Variants in LIMCH1 observed in about 807,000 individuals in gnomAD.
LIMCH1 encodes the protein LIM and calponin homology domains-containing protein 1.
LIMCH1 carries 113 observed loss-of-function variants against 176.5 expected under a neutral mutation model. The ratio of observed to expected loss-of-function variants is 0.64; its 90% confidence interval spans 0.55 to 0.75. The LOEUF is 0.75. Among genes scored for constraint, LIMCH1 ranks in the 30% least tolerant of loss-of-function variants. The probability of loss-of-function intolerance (pLI) is 0.00; values close to 1 mark genes in which losing one functional copy is unlikely to be tolerated. For missense variants in LIMCH1, 1,674 were observed against 1,814.9 expected (o/e 0.92, Z 1.41); for synonymous variants, 619 against 645.9 (o/e 0.96, Z 0.63).
intron 1 of LIMCH1, among the ~76,000 whole-genome samples, chr4:41,569,136 T>A (rs1305587184): frequency 6.6e-6 from 1 of 152,172 alleles, no homozygotes; most frequent in East Asian, 1.9e-4. Context: ...GTTTTGTTTC[T>A]CATGATAAAT....
chr4:41,572,661 G>A (rs1417148675), intron 1 of LIMCH1, among the ~76,000 whole-genome samples: 1 of 152,210 alleles, frequency 6.6e-6, no homozygotes, highest in African/African-American at 2.4e-5. Context: ...AATAATGCAA[G>A]GTCAGGCTGA....
chr4:41,667,022 G>T (rs1389250456), intron 21 of LIMCH1, among the ~76,000 whole-genome samples: 1 of 151,964 alleles, frequency 6.6e-6, no homozygotes, highest in Non-Finnish European at 1.5e-5. Context: ...CAGGAGAATC[G>T]CTTGAACCCA....
chr4:41,697,218 T>G lies in LIMCH1; in HGVS notation c.*33T>G, dbSNP rs752189505. Reference sequence around the variant, plus strand: ...TTCAAGCTTCCGGATCACTCACCATTTCTTTACTGAGAGTGTCCCCTGGCA... The same window carrying G: ...TTCAAGCTTCCGGATCACTCACCATGTCTTTACTGAGAGTGTCCCCTGGCA... On this transcript the variant is annotated 3_prime_UTR_variant, in exon 32 of 32. Transcript: ENST00000503057. 10 of 1,608,498 alleles carry G rather than the reference T, an allele frequency of 6.2e-6. No homozygotes were observed. Among genetic ancestry groups the G allele is most frequent in the Non-Finnish European group, 6.8e-6 (8 of 1,175,124 alleles).
intron 1 of LIMCH1, among the ~76,000 whole-genome samples, chr4:41,460,576 C>T (rs1021460297): frequency 1.3e-5 from 2 of 150,380 alleles, no homozygotes; most frequent in South Asian, 2.1e-4. Context: ...GTTGGTTATA[C>T]GATTGATTCT....
rs148393298 is a variant in LIMCH1 at position 41,419,123 on chromosome 4, G to GTTTTA, written c.96+58226_96+58230dup. Among the ~76,000 whole-genome samples the GTTTTA allele has an allele frequency of 9.6e-4, 141 of 146,906 alleles. 1 individual carries two copies. The highest frequency in any genetic ancestry group is 8.7e-3 in the East Asian group (43 of 4,934). ...TTACATTTCTAAGTCACTACGTTTTGTTTTATTTTATTTTATTTTATTTTA... is the reference window on the plus strand; with the variant it reads ...TTACATTTCTAAGTCACTACGTTTTGTTTTATTTTATTTTATTTTATTTTATTTTA... On this transcript the variant is annotated intron_variant, in intron 1 of 26. Transcript: ENST00000313860.
upstream of LIMCH1, among the ~76,000 whole-genome samples, chr4:41,534,189 A>T (rs2077620323): frequency 6.6e-6 from 1 of 152,212 alleles, no homozygotes; most frequent in Non-Finnish European, 1.5e-5. Flanking sequence ...CCTTAGTAGA[A>T]GCAGTGGGAT....
chr4:41,568,050 G>C, intron 1 of LIMCH1, among the ~76,000 whole-genome samples: 1 of 152,178 alleles, frequency 6.6e-6, no homozygotes, highest in East Asian at 1.9e-4. Flanking sequence ...CTATTTAGGA[G>C]CCTGAGGCAG....
rs756416654 is a variant in LIMCH1, at chr4:41,605,954, A to G, written c.-42A>G. On this transcript the variant is annotated 5_prime_UTR_variant, in exon 4 of 32. Transcript: ENST00000503057. ...AAACAGCTGCACATCCTACAGCGGAACGACACTAAACCTGAAGGAGTTTGA... is the reference window on the plus strand; with the variant it reads ...AAACAGCTGCACATCCTACAGCGGAGCGACACTAAACCTGAAGGAGTTTGA... The G allele has an allele frequency of 1.9e-4, 303 of 1,613,806 alleles. No individual in the cohort carries two copies. Among genetic ancestry groups the G allele is most frequent in the Non-Finnish European group, 2.4e-4 (287 of 1,179,826 alleles).
chr4:41,596,651 T>C (rs2088883658), intron 1 of LIMCH1, among the ~76,000 whole-genome samples: 2 of 152,204 alleles, frequency 1.3e-5, no homozygotes, highest in Admixed American at 1.3e-4. Flanking sequence ...CCCTTTCTTT[T>C]CTACCTAGGA....
At chr4:41,603,471 G>A (rs2090263806) in intron 2 of LIMCH1, among the ~76,000 whole-genome samples, 1 of 152,154 alleles carries the variant, frequency 6.6e-6, no homozygotes. Flanking sequence ...TAAGGTTTTA[G>A]ACCTGTGTTA....
intron 2 of LIMCH1, among the ~76,000 whole-genome samples, chr4:41,496,640 G>A (rs1208617227): frequency 6.6e-6 from 1 of 152,140 alleles, no homozygotes; most frequent in Non-Finnish European, 1.5e-5. Flanking sequence ...CACCCTTATG[G>A]CTAGGTTTTG....
chr4:41,370,875 C>G (rs902504720), intron 1 of LIMCH1, among the ~76,000 whole-genome samples: 10 of 152,118 alleles, frequency 6.6e-5, no homozygotes, highest in Non-Finnish European at 1.3e-4. Context: ...CTCAAGCAAG[C>G]ACTGTTTATG....
chr4:41,672,637 T>G (rs2095087357), intron 22 of LIMCH1, among the ~76,000 whole-genome samples: 1 of 152,222 alleles, frequency 6.6e-6, no homozygotes, highest in African/African-American at 2.4e-5. Context: ...AAAACATTTG[T>G]TAATTAAAAT....
At chr4:41,539,659 A>G (rs776724311) in intron 1 of LIMCH1, among the ~76,000 whole-genome samples, 5 of 152,208 alleles carry the variant, frequency 3.3e-5, no homozygotes, top group African/African-American at 9.6e-5. Flanking sequence ...TTCTGTAACT[A>G]TGCATTCCAG....
At chr4:41,361,345 C>T (rs77405740) in intron 1 of LIMCH1, among the ~76,000 whole-genome samples, 18,158 of 152,262 alleles carry the variant, frequency 0.12, 1,132 homozygotes, top group Middle Eastern at 0.14. Flanking sequence ...TTCGGGGTAT[C>T]TTGCTTCTGG....
intron 14 of LIMCH1, among the ~76,000 whole-genome samples, chr4:41,641,415 C>G (rs2093818538): frequency 6.6e-6 from 1 of 151,242 alleles, no homozygotes; most frequent in East Asian, 1.9e-4. Context: ...AAATATATCA[C>G]TCATAGGTTT....
intron 18 of LIMCH1, among the ~76,000 whole-genome samples, chr4:41,655,631 A>G (rs889080819): frequency 2.2e-4 from 33 of 152,134 alleles, no homozygotes; most frequent in African/African-American, 7.2e-4. Context: ...TTTCTAGAAG[A>G]CAGTTGTCCT....
intron 23 of LIMCH1, among the ~76,000 whole-genome samples, chr4:41,678,155 A>G (rs553564520): frequency 7.2e-4 from 109 of 151,694 alleles, no homozygotes; most frequent in African/African-American, 2.5e-3. Context: ...CTCATTGTTC[A>G]TCTCCCACTT....
chr4:41,434,677 C>T (rs982445403), intron 1 of LIMCH1, among the ~76,000 whole-genome samples: 14 of 152,258 alleles, frequency 9.2e-5, no homozygotes, highest in Middle Eastern at 3.4e-3. Context: ...CCCCCATGCC[C>T]GGCTAACTTT....
Sources: gnomAD v4.1 joint callset for allele counts (sites outside exome capture counted in the v4.1 genomes callset) on GRCh38, gnomAD v4.1.1 for gene constraint, MANE v1.5 for transcripts, NCBI Gene and HGNC (gene_info 2026-07-23, HGNC 2026-07-21) for gene names.